Variants in NANOG observed in about 807,000 individuals in gnomAD.
The protein encoded by NANOG is Nanog homeobox, also known as homeobox protein NANOG.
A neutral mutation model predicts 17.7 loss-of-function variants in NANOG; 2 were observed. That is an observed-to-expected ratio of 0.11 (90% confidence interval 0.05 to 0.36). NANOG has a LOEUF of 0.36. Ranked by LOEUF, NANOG falls within the 10% of genes least tolerant of loss-of-function variation. NANOG has a pLI of 1.00. For missense variants in NANOG, 174 were observed against 362.1 expected, an observed-to-expected ratio of 0.48 and a Z score of 4.22; for synonymous variants, 81 against 124.7, an observed-to-expected ratio of 0.65 and a Z score of 2.33.
Position 7,795,175 on chromosome 12 carries a change from A to T in NANOG, c.*80A>T. ...CCTCTCCCCTCCTCCCATCCCTCAT[A>T]GGATTTTTCTTGTTTGGAAACCACG... On this transcript the variant is annotated 3_prime_UTR_variant, in exon 4 of 4. Transcript: ENST00000229307. 6.4e-7 allele frequency: 1 copy of T among 1,569,200 alleles called. No homozygotes were observed. The highest frequency in any genetic ancestry group is 8.7e-7 in the Non-Finnish European group (1 of 1,155,324).
In NANOG at chr12:7,797,776, C is replaced by T. The variant is rs1862950852; in HGVS notation, c.*2681C>T. The T allele has an allele frequency of 6.6e-6, 1 of 152,092 alleles. No homozygotes were observed. The highest frequency in any genetic ancestry group is 1.5e-5 in the Non-Finnish European group (1 of 68,048). The allele number at this position is 152,092 out of a possible 1,614,324, so 9.4% of individuals were successfully genotyped here. ...TCAAGCAATCCTCCTGCCTGAGTCT[C>T]TCAAATAGCCCAGACTATAGGTGCA... On this transcript the variant is annotated 3_prime_UTR_variant, in exon 4 of 4. Coordinates refer to ENST00000229307, the MANE Select transcript of NANOG (RefSeq NM_024865.4).
rs57074245 is a variant in NANOG, at chr12:7,791,113, C to CT, written c.151+1361dup. Among the ~76,000 whole-genome samples, 1,108 of 140,498 alleles carry CT rather than the reference C, an allele frequency of 7.9e-3. 14 individuals carry two copies. Among genetic ancestry groups the CT allele is most frequent in the African/African-American group, 0.027 (1,018 of 37,112 alleles). 92.2% of individuals were successfully genotyped at this position (140,498 alleles called of 152,430 possible). A position where few individuals can be genotyped will look rare whatever the true frequency, so the allele number is the denominator to read the frequency against. On this transcript the variant is annotated intron_variant, in intron 1 of 3. Coordinates refer to ENST00000229307, the MANE Select transcript of NANOG (RefSeq NM_024865.4). ...TTATAATTTCTTTCTTTCTTTCTTT[C>CT]TTTTTTTTTTTTTGAGACAGGGTCT...
chr12:7,791,663 A>G (rs1862842732), intron 1 of NANOG, among the ~76,000 whole-genome samples: 1 of 152,202 alleles, frequency 6.6e-6, no homozygotes, highest in Non-Finnish European at 1.5e-5. Context: ...CCGCAGAGCA[A>G]TTAGGTATAT....
chr12:7,797,455 T>A lies in NANOG; in HGVS notation c.*2360T>A, dbSNP rs914727273. ...TCACTGCAACCTGCACCTCCCAGGT[T>A]CAAGTGATTCTCTTGCCTCAGCCTT... On this transcript the variant is annotated 3_prime_UTR_variant, in exon 4 of 4. Coordinates refer to ENST00000229307, the MANE Select transcript of NANOG (RefSeq NM_024865.4). The A allele has an allele frequency of 1.3e-5, 2 of 151,164 alleles. No homozygotes were observed. Among genetic ancestry groups the A allele is most frequent in the Non-Finnish European group, 2.9e-5 (2 of 67,996 alleles). 9.4% of individuals were successfully genotyped at this position (151,164 alleles called of 1,614,324 possible).
rs74058832 is a variant in NANOG at position 7,789,860 on chromosome 12, T to G, written c.151+95T>G. The G allele has an allele frequency of 6.9e-4, 890 of 1,289,776 alleles. 4 individuals carry two copies. In the African/African-American group the frequency reaches 0.011, roughly 16 times the overall value. 79.9% of individuals were successfully genotyped at this position (1,289,776 alleles called of 1,614,324 possible). ...GGATCATTTCCCTCTTGAGCAATGA[T>G]GGACCATTACTATAAAGAAGTGTTA... On this transcript the variant is annotated intron_variant, in intron 1 of 3. Coordinates refer to ENST00000229307, the MANE Select transcript of NANOG (RefSeq NM_024865.4).
At chr12:7,794,410 C>T in intron 2 of NANOG, 47 bp from the exon 3 acceptor site, 1 of 1,503,420 alleles carries the variant, frequency 6.7e-7, no homozygotes, top group Non-Finnish European at 9.2e-7. Context: ...ATTCAAAGTA[C>T]CTCTGTATTA....
At chr12:7,790,508 GGGGATACTC>G (rs1467446159) in intron 1 of NANOG, among the ~76,000 whole-genome samples, 2 of 152,112 alleles carry the variant, frequency 1.3e-5, no homozygotes, top group Admixed American at 6.5e-5. Context: ...GCAAGGGGTG[GGGGATACTC>G]GGGATACTCA....
chr12:7,795,725 TAAG>T lies in NANOG; in HGVS notation c.*633_*635del, dbSNP rs1478385855. The T allele has an allele frequency of 7.1e-6, 1 of 141,786 alleles. No individual in the cohort carries two copies. Among genetic ancestry groups the T allele is most frequent in the African/African-American group, 2.5e-5 (1 of 39,508 alleles). 8.8% of individuals were successfully genotyped at this position (141,786 alleles called of 1,614,324 possible). On this transcript the variant is annotated 3_prime_UTR_variant, in exon 4 of 4. Transcript: ENST00000229307. ...AGGGTTTAGAATCTAACCTCAAGAA[TAAG>T]AAATACAAGTACAAATTGGTGATGA...
Position 7,789,880 on chromosome 12 carries a change from G to A in NANOG, c.151+115G>A, listed in dbSNP as rs1260019809. 6 of 1,103,294 alleles carry A rather than the reference G, an allele frequency of 5.4e-6. No homozygotes were observed. In the East Asian group the frequency reaches 1.4e-4, roughly 26 times the overall value. The allele number at this position is 1,103,294 out of a possible 1,614,324, so 68.3% of individuals were successfully genotyped here. A position where few individuals can be genotyped will look rare whatever the true frequency, so the allele number is the denominator to read the frequency against. The stretch of plus-strand genomic sequence containing the variant: ...AATGATGGACCATTACTATAAAGAA[G>A]TGTTATTATCAACTAATCCTCTGGA... On this transcript the variant is annotated intron_variant, in intron 1 of 3. Coordinates refer to ENST00000229307, the MANE Select transcript of NANOG (RefSeq NM_024865.4).
chr12:7,791,024 C>G (rs894150656), intron 1 of NANOG, among the ~76,000 whole-genome samples: 2 of 151,940 alleles, frequency 1.3e-5, no homozygotes, highest in African/African-American at 4.8e-5. Context: ...GGATTACAGG[C>G]GCTGACCCAC....
chr12:7,791,266 C>T (rs771353471), intron 1 of NANOG, among the ~76,000 whole-genome samples: 30 of 151,858 alleles, frequency 2.0e-4, no homozygotes, highest in Non-Finnish European at 3.4e-4. Context: ...TATGCCACCA[C>T]GCCTAGCTAA....
rs763017799 is a variant in NANOG at position 7,794,652 on chromosome 12, T to C, written c.502-27T>C. 1.9e-6 allele frequency: 3 copies of C among 1,611,252 alleles called. No individual in the cohort carries two copies. The Admixed American group carries it at 5.0e-5, about 27-fold the overall frequency. Reference sequence around the variant, plus strand: ...ACAGTTCTGGTTGTCCTTGTACCCTTTCTGTTAATCCCTCCTTCTCTTTCA... The same window carrying C: ...ACAGTTCTGGTTGTCCTTGTACCCTCTCTGTTAATCCCTCCTTCTCTTTCA... On this transcript the variant is annotated intron_variant, in intron 3 of 3. Coordinates refer to ENST00000229307, the MANE Select transcript of NANOG (RefSeq NM_024865.4).
In NANOG at chr12:7,792,887, T is replaced by A. The variant is rs762357445; in HGVS notation, c.152-63T>A. ...CAAAGTACTTTGAAAACAATTTTTT[T>A]AAAGGATATTTTAATATTTGAAAAA... On this transcript the variant is annotated intron_variant, in intron 1 of 3. Transcript: ENST00000229307. The A allele has an allele frequency of 1.8e-4, 260 of 1,483,236 alleles. 1 individual carries two copies. In the South Asian group the frequency reaches 3.0e-3, roughly 17 times the overall value. 91.9% of individuals were successfully genotyped at this position (1,483,236 alleles called of 1,614,324 possible).
Position 7,793,208 on chromosome 12 carries a change from A to G in NANOG, c.410A>G (p.Lys137Arg). 1 of 1,613,766 alleles carries G rather than the reference A, an allele frequency of 6.2e-7. No individual in the cohort carries two copies. Residue 137 changes from lysine to arginine, a missense_variant, in exon 2 of 4, where the codon AAA becomes AGA. Transcript: ENST00000229307. ...ELSNILNLSY[K>R]QVKTWFQNQR... The stretch of plus-strand genomic sequence containing the variant: ...TCCAACATCCTGAACCTCAGCTACA[A>G]ACAGGTAGGCTTGTTTTGTCCTTGG...
rs1862804090 is a variant in NANOG at position 7,789,494 on chromosome 12, T to A, written c.-121T>A. 3.7e-6 allele frequency: 3 copies of A among 810,992 alleles called. No homozygotes were observed. Among genetic ancestry groups the A allele is most frequent in the Non-Finnish European group, 5.9e-6 (3 of 508,024 alleles). The allele number at this position is 810,992 out of a possible 1,614,324, so 50.2% of individuals were successfully genotyped here. On this transcript the variant is annotated 5_prime_UTR_variant, in exon 1 of 4. The change creates a new upstream start codon in the 5' untranslated region. Transcript: ENST00000229307. The stretch of plus-strand genomic sequence containing the variant: ...AGGCAACTCACTTTATCCCAATTTC[T>A]TGATACTTTTCCTTCTGGAGGTCCT...
rs1303475996 is a variant in NANOG at position 7,798,851 on chromosome 12, TTGGTAAATATTGCATGCC to T, written c.*3758_*3775del. On this transcript the variant is annotated 3_prime_UTR_variant, in exon 4 of 4. Coordinates refer to ENST00000229307, the MANE Select transcript of NANOG (RefSeq NM_024865.4). ...GAGGCAGGAAAGTGGGGGAGAGCCC[TTGGTAAATATTGCATGCC>T]TCCTGGGGCCCCCATGGGCTTTGAC... 1.5e-5 allele frequency: 2 copies of T among 134,202 alleles called. No individual in the cohort carries two copies. Among genetic ancestry groups the T allele is most frequent in the East Asian group, 4.2e-4 (2 of 4,770 alleles). The allele number at this position is 134,202 out of a possible 1,614,324, so 8.3% of individuals were successfully genotyped here.
chr12:7,792,401 T>A (rs1316052662), intron 1 of NANOG, among the ~76,000 whole-genome samples: 2 of 152,108 alleles, frequency 1.3e-5, no homozygotes, highest in Non-Finnish European at 2.9e-5. Context: ...ATGAGGTGGC[T>A]CACACCTGTA....
chr12:7,789,846 C>G, intron 1 of NANOG, 81 bp downstream of exon 1: 2 of 1,412,444 alleles, frequency 1.4e-6, no homozygotes, highest in Non-Finnish European at 2.0e-6. Flanking sequence ...GATCATTTCC[C>G]TCTTGAGCAA....
At position 7,797,853 on chromosome 12, in the gene NANOG, A is replaced by G. The variant is rs996786101; in HGVS notation, c.*2758A>G. On this transcript the variant is annotated 3_prime_UTR_variant, in exon 4 of 4. Coordinates refer to ENST00000229307, the MANE Select transcript of NANOG (RefSeq NM_024865.4). ...TTTTTAGGAGAGACGGGGTTTCCCC[A>G]TGTTGGCCTGGCTAGTCTCAAACTC... 1 of 152,078 alleles carries G rather than the reference A, an allele frequency of 6.6e-6. No homozygotes were observed. Among genetic ancestry groups the G allele is most frequent in the African/African-American group, 2.4e-5 (1 of 41,374 alleles). The allele number at this position is 152,078 out of a possible 1,614,324, so 9.4% of individuals were successfully genotyped here. A position where few individuals can be genotyped will look rare whatever the true frequency, so the allele number is the denominator to read the frequency against.
Sources: allele counts gnomAD v4.1 joint callset (sites outside exome capture counted in the v4.1 genomes callset), GRCh38; gene constraint gnomAD v4.1.1; transcripts MANE v1.5; gene names NCBI Gene and HGNC (gene_info 2026-07-23, HGNC 2026-07-21).